DOT1L: variants seen among roughly 807,000 people sequenced by gnomAD.
The protein encoded by DOT1L is histone-lysine N-methyltransferase, H3 lysine-79 specific.
A neutral mutation model predicts 153.3 loss-of-function variants in DOT1L; 33 were observed. The observed-to-expected ratio is 0.22, with a 90% CI of 0.16 to 0.29. DOT1L has a LOEUF of 0.29. Ranked by LOEUF, DOT1L falls within the 10% of genes least tolerant of loss-of-function variation. The probability of loss-of-function intolerance (pLI) is 1.00; values close to 1 mark genes in which losing one functional copy is unlikely to be tolerated. For synonymous variants in DOT1L, 1,135 were observed against 965.1 expected (o/e 1.18, Z -3.26); for missense variants, 1,847 against 2,119.9 (o/e 0.87, Z 2.53).
chr19:2,178,003 A>G (rs2022032937), intron 1 of DOT1L, among the ~76,000 whole-genome samples: 1 of 150,708 alleles, frequency 6.6e-6, no homozygotes, highest in Non-Finnish European at 1.5e-5. Context: ...GCTCACTGCA[A>G]CCTCTGCCTC....
At chr19:2,223,094 G>A (rs1470284721) in intron 24 of DOT1L, among the ~76,000 whole-genome samples, 187 bp from the exon 25 acceptor site, 1 of 151,948 alleles carries the variant, frequency 6.6e-6, no homozygotes, top group East Asian at 1.9e-4. Flanking sequence ...GGGGGCTCTG[G>A]GATTGCGGGG....
rs2019810234 is a variant in DOT1L at position 2,163,998 on chromosome 19, A to C, written c.-187A>C. Among the ~76,000 whole-genome samples the C allele has an allele frequency of 6.7e-6, 1 of 149,342 alleles. No homozygotes were observed. Among genetic ancestry groups the C allele is most frequent in the Admixed American group, 6.6e-5 (1 of 15,050 alleles). On this transcript the variant is annotated 5_prime_UTR_variant, in exon 1 of 28. Coordinates refer to ENST00000398665, the MANE Select transcript of DOT1L (RefSeq NM_032482.3). The stretch of plus-strand genomic sequence containing the variant: ...TGGAGGCCCCGGGCCTGTGACTACA[A>C]AGAGGGAGTCGGGGGCCGGGCCGGA...
chr19:2,226,251 A>G lies in DOT1L; in HGVS notation c.3730A>G (p.Thr1244Ala). 6.4e-7 allele frequency: 1 copy of G among 1,570,324 alleles called. No individual in the cohort carries two copies. Among genetic ancestry groups the G allele is most frequent in the Non-Finnish European group, 8.6e-7 (1 of 1,156,746 alleles). Reference sequence around the variant, plus strand: ...AGTCAATAGCAGCAAGTGGAAGTCCACCTTCTCGCCCATCTCCGACATCGG... The same window carrying G: ...AGTCAATAGCAGCAAGTGGAAGTCCGCCTTCTCGCCCATCTCCGACATCGG... ...EPVNSSKWKS[T>A]FSPISDIGLA... The change falls in exon 27 of 28, where the codon ACC becomes GCC. Residue 1244 changes from threonine to alanine, a missense_variant. This residue lies in a region of DOT1L where 934 missense variants were observed against 825.3 expected (regional missense o/e 1.13). Transcript: ENST00000398665.
At chr19:2,188,486 C>CG (rs1315486894) in intron 3 of DOT1L, among the ~76,000 whole-genome samples, 3 of 124,264 alleles carry the variant, frequency 2.4e-5, no homozygotes, top group Admixed American at 7.4e-5. Flanking sequence ...CGCCGCCCCC[C>CG]CCCCCCCCAC....
chr19:2,188,808 T>G (rs2022663073), intron 3 of DOT1L, among the ~76,000 whole-genome samples: 1 of 152,152 alleles, frequency 6.6e-6, no homozygotes, highest in Non-Finnish European at 1.5e-5. Context: ...AGGTGGAGAC[T>G]GGACAGACTA....
chr19:2,230,088 A>C lies in DOT1L; in HGVS notation c.*296A>C. 1.7e-6 allele frequency: 1 copy of C among 583,526 alleles called. No individual in the cohort carries two copies. The highest frequency in any genetic ancestry group is 2.9e-5 in the East Asian group (1 of 34,150). The allele number at this position is 583,526 out of a possible 1,614,324, so 36.1% of individuals were successfully genotyped here. On this transcript the variant is annotated 3_prime_UTR_variant, in exon 28 of 28. Transcript: ENST00000398665. The stretch of plus-strand genomic sequence containing the variant: ...CTTATTGAGAAATATAAATATCTAT[A>C]TATGAGAGCTCTATATAAAGACACG...
intron 3 of DOT1L, among the ~76,000 whole-genome samples, chr19:2,186,995 TA>T (rs1197887560): frequency 6.6e-6 from 1 of 152,180 alleles, no homozygotes; most frequent in Non-Finnish European, 1.5e-5. Flanking sequence ...TGGGGAGCAC[TA>T]ACCCCAAAGC....
In DOT1L at chr19:2,229,854, A is replaced by AT. The variant is rs1204591358; in HGVS notation, c.*63dup. On this transcript the variant is annotated 3_prime_UTR_variant, in exon 28 of 28. Transcript: ENST00000398665. ...GTGTGGACCAACTCGCGCCCGCGGC[A>AT]TGGTGCCCGCCGGCCTGCCGGGCTC... is the stretch of plus-strand genomic sequence containing the variant. 3 of 1,611,578 alleles carry AT rather than the reference A, an allele frequency of 1.9e-6. No homozygotes were observed.
intron 25 of DOT1L, 63 bp downstream of exon 25, chr19:2,223,549 T>C (rs2286330): frequency 0.15 from 40,027 of 262,314 alleles, 3,490 homozygotes; most frequent in African/African-American, 0.39. Flanking sequence ...GCCTGCTCAC[T>C]GTGTGTGTGT....
chr19:2,201,441 T>G (rs2023278534), intron 8 of DOT1L, among the ~76,000 whole-genome samples: 1 of 152,244 alleles, frequency 6.6e-6, no homozygotes, highest in Non-Finnish European at 1.5e-5. Flanking sequence ...CCCTGTGCTC[T>G]TCTTCCTCGG....
chr19:2,224,414 T>C (rs1195566064), intron 25 of DOT1L, among the ~76,000 whole-genome samples: 1 of 151,902 alleles, frequency 6.6e-6, no homozygotes, highest in African/African-American at 2.4e-5. Context: ...GTTTTGATTC[T>C]AGCCATCCGA....
intron 1 of DOT1L, among the ~76,000 whole-genome samples, chr19:2,180,007 C>T (rs992965654): frequency 2.6e-5 from 4 of 152,088 alleles, no homozygotes; most frequent in Non-Finnish European, 2.9e-5. Context: ...CTTGGGTGGC[C>T]CTGCTGGGTG....
Position 2,231,947 on chromosome 19 carries a change from G to A in DOT1L, c.*2155G>A, listed in dbSNP as rs1225344799. The stretch of plus-strand genomic sequence containing the variant: ...TCCTTGAGCCCACTGGGTCATATGC[G>A]TGTCACCACACGTGAACTAGTGTGG... On this transcript the variant is annotated 3_prime_UTR_variant, in exon 28 of 28. Coordinates refer to ENST00000398665, the MANE Select transcript of DOT1L (RefSeq NM_032482.3). 2 of 213,594 alleles carry A rather than the reference G, an allele frequency of 9.4e-6. No individual in the cohort carries two copies. Among genetic ancestry groups the A allele is most frequent in the African/African-American group, 4.5e-5 (2 of 44,136 alleles). The allele number at this position is 213,594 out of a possible 1,614,324, so 13.2% of individuals were successfully genotyped here.
At chr19:2,225,858 C>G (rs1472470264) in intron 26 of DOT1L, among the ~76,000 whole-genome samples, 1 of 152,188 alleles carries the variant, frequency 6.6e-6, no homozygotes, top group East Asian at 1.9e-4. Flanking sequence ...GGCTGCTGAC[C>G]TCAGCATTTT....
chr19:2,226,235 C>A lies in DOT1L; in HGVS notation c.3714C>A (p.Ser1238Arg). The change falls in exon 27 of 28, where the codon AGC (serine) becomes AGA (arginine). Residue 1238 changes from serine to arginine, a missense_variant. Transcript: ENST00000398665. The stretch of plus-strand genomic sequence containing the variant: ...CGCCCGCCGGCGAGCCAGTCAATAG[C>A]AGCAAGTGGAAGTCCACCTTCTCGC... The part of the protein sequence containing the change: ...KPAPAGEPVN[S>R]SKWKSTFSPI... The A allele has an allele frequency of 6.4e-7, 1 of 1,555,320 alleles. No individual in the cohort carries two copies. The highest frequency in any genetic ancestry group is 1.9e-5 in the Admixed American group (1 of 52,020).
At chr19:2,218,739 CA>C (rs2024003968) in intron 22 of DOT1L, among the ~76,000 whole-genome samples, 1 of 151,964 alleles carries the variant, frequency 6.6e-6, no homozygotes, top group African/African-American at 2.4e-5. Flanking sequence ...TTCTGTCCCC[CA>C]GGCTGGAGTG....
Position 2,231,077 on chromosome 19 carries a change from G to A in DOT1L, c.*1285G>A. 4.3e-6 allele frequency: 1 copy of A among 232,742 alleles called. No individual in the cohort carries two copies. Among genetic ancestry groups the A allele is most frequent in the East Asian group, 6.1e-5 (1 of 16,404 alleles). The allele number at this position is 232,742 out of a possible 1,614,324, so 14.4% of individuals were successfully genotyped here. The stretch of plus-strand genomic sequence containing the variant: ...GAAGGAGAGGAGCTGAGGCCGGGGT[G>A]TAGCAGGCAGGCAGGGCCACTCCAG... On this transcript the variant is annotated 3_prime_UTR_variant, in exon 28 of 28. Transcript: ENST00000398665.
intron 26 of DOT1L, 149 bp from the exon 27 acceptor site, chr19:2,226,034 C>T (rs974829705): frequency 9.7e-6 from 8 of 825,654 alleles, no homozygotes; most frequent in Non-Finnish European, 1.4e-5. Flanking sequence ...CTCCTGTCCT[C>T]TCCCATCCTG....
In DOT1L at chr19:2,231,860, G is replaced by A. The variant is rs774743676; in HGVS notation, c.*2068G>A. 17 of 219,518 alleles carry A rather than the reference G, an allele frequency of 7.7e-5. No individual in the cohort carries two copies. The highest frequency in any genetic ancestry group is 5.5e-4 in the South Asian group (3 of 5,414). The allele number at this position is 219,518 out of a possible 1,614,324, so 13.6% of individuals were successfully genotyped here. On this transcript the variant is annotated 3_prime_UTR_variant, in exon 28 of 28. Transcript: ENST00000398665. ...ATGGCCATGCAGGGCTCCTGCCCAC[G>A]CAGGCCACCGTATGTTCAGGACACG...
Sources: gnomAD v4.1 joint callset for allele counts (sites outside exome capture counted in the v4.1 genomes callset) on GRCh38, gnomAD v4.1.1 for gene constraint, gnomAD v4.1.1 regional missense constraint, MANE v1.5 for transcripts, NCBI Gene and HGNC (gene_info 2026-07-23, HGNC 2026-07-21) for gene names.